The following PHAF1 variants were observed in gnomAD, a reference collection of about 807,000 sequenced individuals.
PHAF1 encodes phagosome assembly factor 1.
In PHAF1, 23 loss-of-function variants were observed where a neutral mutation model predicts 63.1. That is an observed-to-expected ratio of 0.36 (90% CI 0.26 to 0.52). PHAF1 has a LOEUF of 0.52. Ranked by LOEUF, PHAF1 falls within the 20% of genes least tolerant of loss-of-function variation. PHAF1 has a pLI of 0.93. For synonymous variants in PHAF1, 167 were observed against 185.0 expected (o/e 0.90, Z 0.79); for missense variants, 427 against 517.2 (o/e 0.83, Z 1.69).
In PHAF1 at chr16:67,147,414, CAAG is replaced by C. The variant is rs767671172; in HGVS notation, c.*284_*286del. ...CCTGGACCCAGGAGCTCTCAACTAA[CAAG>C]GAGGCAGGAGAGGTCAACCCTTGTC... is the stretch of plus-strand genomic sequence containing the variant. On this transcript the variant is annotated 3_prime_UTR_variant, in exon 16 of 16. Coordinates refer to ENST00000219139, the MANE Select transcript of PHAF1 (RefSeq NM_025187.5). The C allele has an allele frequency of 1.1e-5, 5 of 450,196 alleles. No homozygotes were observed. In the Admixed American group the frequency reaches 1.6e-4, roughly 14 times the overall value. The allele number at this position is 450,196 out of a possible 1,614,324, so 27.9% of individuals were successfully genotyped here.
chr16:67,134,074 G>T (rs540784667), intron 6 of PHAF1, 94 bp from the exon 7 acceptor site: 369 of 1,079,470 alleles, frequency 3.4e-4, no homozygotes, highest in Non-Finnish European at 4.6e-4. Flanking sequence ...TTTGACCTGA[G>T]CAGCTCTTGA....
At chr16:67,124,666 G>C (rs576909980) in intron 2 of PHAF1, among the ~76,000 whole-genome samples, 1 of 152,122 alleles carries the variant, frequency 6.6e-6, no homozygotes, top group Non-Finnish European at 1.5e-5. Flanking sequence ...GATGGATCAC[G>C]AGGTCAGGAG....
intron 2 of PHAF1, 152 bp downstream of exon 2, chr16:67,120,346 T>G (rs904194098): frequency 1.5e-6 from 1 of 680,806 alleles, no homozygotes; most frequent in African/African-American, 1.8e-5. Flanking sequence ...ACCTTTTCTT[T>G]GATTCTGAAA....
At chr16:67,114,128 C>T (rs1190231333) in intron 1 of PHAF1, among the ~76,000 whole-genome samples, 4 of 152,084 alleles carry the variant, frequency 2.6e-5, no homozygotes, top group South Asian at 2.1e-4. Context: ...ATACCTTCTC[C>T]GAGATTACCT....
intron 2 of PHAF1, among the ~76,000 whole-genome samples, chr16:67,122,025 G>T (rs1029068208): frequency 2.0e-5 from 3 of 151,692 alleles, no homozygotes; most frequent in African/African-American, 7.3e-5. Flanking sequence ...AGTCTCCTGA[G>T]TAGCTGGGAC....
intron 1 of PHAF1, among the ~76,000 whole-genome samples, chr16:67,116,771 G>A (rs1326207983): frequency 6.6e-6 from 1 of 152,086 alleles, no homozygotes; most frequent in East Asian, 1.9e-4. Context: ...TATCTCTTGA[G>A]CCTGGGAGAC....
At position 67,139,993 on chromosome 16, in the gene PHAF1, C is replaced by G. The variant is rs1567652804; in HGVS notation, c.671C>G (p.Pro224Arg). 1.2e-6 allele frequency: 2 copies of G among 1,614,068 alleles called. No homozygotes were observed. Among genetic ancestry groups the G allele is most frequent in the Middle Eastern group, 1.6e-4 (1 of 6,062 alleles). ...GTCTTGTTTTTTGCAGGTTGTGGAC[C>G]TGGCCTATTAGCAGATGCCAAGATG... Reference protein sequence around the residue: ...RLRLLAAGCGPGLLADAKMRV... With the variant: ...RLRLLAAGCGRGLLADAKMRV... The change falls in exon 9 of 16, where the codon CCT becomes CGT. Residue 224 changes from proline (P) to arginine (R), a missense_variant. Physicochemically the swap from Pro to Arg is moderately radical, Grantham distance 103. Transcript: ENST00000219139.
chr16:67,116,857 C>A (rs115718539), intron 1 of PHAF1, among the ~76,000 whole-genome samples: 3,173 of 152,090 alleles, frequency 0.021, 102 homozygotes, highest in African/African-American at 0.072. Context: ...CTCAAAAAAA[C>A]AAAACAAAAC....
At chr16:67,139,056 C>G (rs115733862) in intron 8 of PHAF1, among the ~76,000 whole-genome samples, 335 of 151,800 alleles carry the variant, frequency 2.2e-3, no homozygotes, top group African/African-American at 7.9e-3. Flanking sequence ...GTAGCTAGGA[C>G]TGCAGGAGTG....
chr16:67,140,228 G>GCT, intron 9 of PHAF1, 111 bp downstream of exon 9: 10 of 1,350,872 alleles, frequency 7.4e-6, no homozygotes. Context: ...TAAAGCTAAT[G>GCT]GTAAAGTAAA....
At chr16:67,146,388 G>T (rs999674986) in intron 15 of PHAF1, 38 bp downstream of exon 15, 8 of 1,587,758 alleles carry the variant, frequency 5.0e-6, no homozygotes, top group Non-Finnish European at 6.9e-6. Context: ...CTGCCTGGGG[G>T]GTTGCTGGTC....
chr16:67,121,070 T>C (rs1479100355), intron 2 of PHAF1, among the ~76,000 whole-genome samples: 2 of 152,192 alleles, frequency 1.3e-5, no homozygotes, highest in Non-Finnish European at 2.9e-5. Context: ...ATAGAAGACA[T>C]GCTTAATCTC....
chr16:67,117,199 A>ATTTTTTTTTTTT (rs750308105), intron 1 of PHAF1, among the ~76,000 whole-genome samples: 356 of 111,890 alleles, frequency 3.2e-3, no homozygotes, highest in East Asian at 9.3e-3. Context: ...TGCCCAGCTA[A>ATTTTTTTTTTTT]TTTTTTTTTT....
At position 67,134,224 on chromosome 16, in the gene PHAF1, A is replaced by G. The variant is rs1963525527; in HGVS notation, c.507A>G (p.Lys169=). The change falls in exon 7 of 16, where the codon AAA becomes AAG. Residue 169 remains lysine, a synonymous_variant. Transcript: ENST00000219139. Reference sequence around the variant, plus strand: ...AGATACCCCATGGAGCAACTGTAAAACGAATGTACATCTACAGTGGCAACA... The same window carrying G: ...AGATACCCCATGGAGCAACTGTAAAGCGAATGTACATCTACAGTGGCAACA... ...SLQIPHGATV[K]RMYIYSGNSL... The G allele has an allele frequency of 6.2e-7, 1 of 1,614,158 alleles. No individual in the cohort carries two copies. The highest frequency in any genetic ancestry group is 1.1e-5 in the South Asian group (1 of 91,084).
chr16:67,130,085 C>G (rs1159904412), intron 3 of PHAF1, among the ~76,000 whole-genome samples: 2 of 152,192 alleles, frequency 1.3e-5, no homozygotes, highest in Non-Finnish European at 2.9e-5. Flanking sequence ...CTCGCTCTGT[C>G]GCCCAGGCTG....
Position 67,147,206 on chromosome 16 carries a change from C to G in PHAF1, c.*75C>G. On this transcript the variant is annotated 3_prime_UTR_variant, in exon 16 of 16. Transcript: ENST00000219139. ...CTGCTCAGTGGGCCTCTGTACCACC[C>G]TGTGGGTTTTCTTGGACACCTGGCC... is the stretch of plus-strand genomic sequence containing the variant. 7.0e-7 allele frequency: 1 copy of G among 1,425,654 alleles called. No individual in the cohort carries two copies. Among genetic ancestry groups the G allele is most frequent in the Non-Finnish European group, 9.8e-7 (1 of 1,015,854 alleles). 88.3% of individuals were successfully genotyped at this position (1,425,654 alleles called of 1,614,324 possible).
At chr16:67,131,875 T>G (rs576723316) in intron 4 of PHAF1, 1 of 152,540 alleles carries the variant, frequency 6.6e-6, no homozygotes, top group East Asian at 1.9e-4. Context: ...TTTCTTTCTT[T>G]CTTTCTTTTT....
chr16:67,121,691 C>CT (rs1363822074), intron 2 of PHAF1, among the ~76,000 whole-genome samples: 1 of 151,706 alleles, frequency 6.6e-6, no homozygotes. Flanking sequence ...AGCGATTCTC[C>CT]TGCCTCAGCC....
chr16:67,119,799 AT>A (rs1962901364), intron 1 of PHAF1, among the ~76,000 whole-genome samples: 2 of 150,484 alleles, frequency 1.3e-5, no homozygotes, highest in South Asian at 4.2e-4. Context: ...AAGTGCTGGG[AT>A]TGCAGGCATA....
Sources: gnomAD v4.1 joint callset for allele counts (sites outside exome capture counted in the v4.1 genomes callset) on GRCh38, gnomAD v4.1.1 for gene constraint, MANE v1.5 for transcripts, NCBI Gene and HGNC (gene_info 2026-07-23, HGNC 2026-07-21) for gene names.